Variants in PTPRN2 observed in about 807,000 individuals in gnomAD.
PTPRN2 encodes receptor-type tyrosine-protein phosphatase N2.
A neutral mutation model predicts 118.8 loss-of-function variants in PTPRN2; 74 were observed. The ratio of observed to expected loss-of-function variants is 0.62; its 90% CI spans 0.52 to 0.76. The LOEUF is 0.76. Among genes scored for constraint, PTPRN2 ranks in the 30% least tolerant of loss-of-function variants. The pLI is 0.00. For synonymous variants in PTPRN2, 641 were observed against 608.0 expected (o/e 1.05, Z -0.80); for missense variants, 1,481 against 1,394.4 (o/e 1.06, Z -0.99).
chr7:158,101,687 T>C (rs1815239681), intron 10 of PTPRN2, among the ~76,000 whole-genome samples: 1 of 152,184 alleles, frequency 6.6e-6, no homozygotes, highest in Admixed American at 6.5e-5. Flanking sequence ...ATGAAAGCCA[T>C]GGAGACTTTA....
At chr7:158,331,021 C>T (rs7808023) in intron 2 of PTPRN2, among the ~76,000 whole-genome samples, 34,748 of 90,968 alleles carry the variant, frequency 0.38, 5,785 homozygotes, top group Non-Finnish European at 0.43. Flanking sequence ...TCACTCACAT[C>T]CACACTCTCA....
chr7:157,709,437 T>TG (rs1188440308), intron 12 of PTPRN2, among the ~76,000 whole-genome samples: 1 of 152,194 alleles, frequency 6.6e-6, no homozygotes, highest in Admixed American at 6.5e-5. Flanking sequence ...AATGAGGTGC[T>TG]GGGAAATTAC....
rs56040599 is a variant in PTPRN2 at position 158,469,735 on chromosome 7, C to CAAAAAAAA, written c.163+19992_163+19999dup. On this transcript the variant is annotated intron_variant, in intron 2 of 22. Transcript: ENST00000389418. ...CAGCAAGTGAGAGAGAAAACCTGGC[C>CAAAAAAAA]AAAAAAAAAAAAAAAAAAATGCAAA... 8.7e-4 allele frequency among the ~76,000 whole-genome samples: 59 copies of CAAAAAAAA among 67,510 alleles called. 1 individual carries two copies. Among genetic ancestry groups the CAAAAAAAA allele is most frequent in the African/African-American group, 2.6e-3 (54 of 20,978 alleles). The allele number at this position is 67,510 out of a possible 152,430, so 44.3% of individuals were successfully genotyped here.
At position 157,977,167 on chromosome 7, in the gene PTPRN2, A is replaced by T. The variant is rs1156970811; in HGVS notation, c.1724-78430T>A. Among the ~76,000 whole-genome samples, 1 of 151,904 alleles carries T rather than the reference A, an allele frequency of 6.6e-6. No individual in the cohort carries two copies. The highest frequency in any genetic ancestry group is 1.5e-5 in the Non-Finnish European group (1 of 67,968). On this transcript the variant is annotated intron_variant, in intron 11 of 22. Coordinates refer to ENST00000389418, the MANE Select transcript of PTPRN2 (RefSeq NM_002847.5). This position sits in a 1 kb window ranked among gnomAD's most constrained non-coding sequence, Gnocchi z 4.6. ...AACGAAATGCATATTCATTAAGCAC[A>T]CCTGTAGAGAGCCTATTGCGTACAG...
chr7:157,917,148 G>T (rs975197313), intron 11 of PTPRN2, among the ~76,000 whole-genome samples: 2 of 152,074 alleles, frequency 1.3e-5, no homozygotes, highest in Non-Finnish European at 1.5e-5. Flanking sequence ...CCACGGCAGG[G>T]GCTGGCCACG....
chr7:157,645,782 C>T (rs1169294952), intron 14 of PTPRN2, among the ~76,000 whole-genome samples: 1 of 152,146 alleles, frequency 6.6e-6, no homozygotes, highest in Non-Finnish European at 1.5e-5. Flanking sequence ...TGTGGGTGGG[C>T]ACCCCTGCCG....
At chr7:158,405,496 G>A (rs538573506) in intron 2 of PTPRN2, among the ~76,000 whole-genome samples, 10 of 152,146 alleles carry the variant, frequency 6.6e-5, no homozygotes, top group Non-Finnish European at 1.2e-4. Flanking sequence ...GAGCTGCAGC[G>A]TCCGACCGTC....
intron 2 of PTPRN2, among the ~76,000 whole-genome samples, chr7:158,458,903 G>T (rs1446781804): frequency 6.6e-6 from 1 of 152,202 alleles, no homozygotes; most frequent in African/African-American, 2.4e-5. Context: ...CTTCAGAGGT[G>T]CACCCTCCAC....
chr7:157,880,225 C>T (rs7801638), intron 12 of PTPRN2, among the ~76,000 whole-genome samples: 1 of 152,196 alleles, frequency 6.6e-6, no homozygotes, highest in South Asian at 2.1e-4. Flanking sequence ...TGTAAATTAG[C>T]AGCTTCACAA....
intron 9 of PTPRN2, among the ~76,000 whole-genome samples, chr7:158,112,442 G>C (rs1159953366): frequency 2.6e-5 from 4 of 152,206 alleles, no homozygotes; most frequent in Non-Finnish European, 5.9e-5. Flanking sequence ...ATGGCCTGGA[G>C]ACGAGTGCAG....
intron 11 of PTPRN2, among the ~76,000 whole-genome samples, chr7:158,011,994 C>G (rs371646481): frequency 6.6e-6 from 1 of 152,116 alleles, no homozygotes; most frequent in Non-Finnish European, 1.5e-5. Context: ...CATAACTCAC[C>G]AAAGACTTCA....
chr7:158,001,138 G>T (rs1420568977), intron 11 of PTPRN2, among the ~76,000 whole-genome samples: 1 of 139,604 alleles, frequency 7.2e-6, no homozygotes, highest in Non-Finnish European at 1.5e-5. Context: ...GGCCGCAGGT[G>T]GGGTGCAAGG....
intron 17 of PTPRN2, among the ~76,000 whole-genome samples, chr7:157,586,646 C>T (rs1211181177): frequency 6.6e-6 from 1 of 150,782 alleles, no homozygotes; most frequent in African/African-American, 2.4e-5. Flanking sequence ...TGCTGGACGC[C>T]ACGTCTGTCC....
chr7:158,171,304 C>T (rs941873935), intron 5 of PTPRN2, among the ~76,000 whole-genome samples: 4,085 of 27,878 alleles, frequency 0.15, 317 homozygotes, highest in South Asian at 0.24. Context: ...CATATATATA[C>T]ACACATATAT....
Position 157,569,075 on chromosome 7 carries a change from G to A in PTPRN2, c.2838-109C>T, listed in dbSNP as rs535280952. ...TTCCTGCTTACGGGGGCCGGCGAGA[G>A]GAAAGGATGGCGGATGTGAGAGGGG... is the stretch of plus-strand genomic sequence containing the variant. On this transcript the variant is annotated intron_variant, in intron 20 of 22. Transcript: ENST00000389418. 9.3e-6 allele frequency: 10 copies of A among 1,070,294 alleles called. No homozygotes were observed. The African/African-American group carries it at 1.5e-4, about 16-fold the overall frequency. The allele number at this position is 1,070,294 out of a possible 1,614,324, so 66.3% of individuals were successfully genotyped here. A position where few individuals can be genotyped will look rare whatever the true frequency, so the allele number is the denominator to read the frequency against.
At chr7:158,096,560 C>T (rs760664717) in intron 10 of PTPRN2, among the ~76,000 whole-genome samples, 12 of 152,312 alleles carry the variant, frequency 7.9e-5, no homozygotes, top group Non-Finnish European at 1.2e-4. Context: ...AAAGACGGGA[C>T]GGGGAGTTTT....
At chr7:158,135,026 G>T (rs1367113695) in intron 8 of PTPRN2, among the ~76,000 whole-genome samples, 1 of 152,186 alleles carries the variant, frequency 6.6e-6, no homozygotes, top group Non-Finnish European at 1.5e-5. Flanking sequence ...TCCTAGGAAA[G>T]ACCGGGTCTG....
intron 3 of PTPRN2, among the ~76,000 whole-genome samples, chr7:158,223,668 C>T (rs1356094509): frequency 6.6e-6 from 1 of 152,054 alleles, no homozygotes; most frequent in Non-Finnish European, 1.5e-5. Context: ...CTTTATCAAG[C>T]TAACAATAAA....
chr7:157,890,385 T>C (rs1470987435), intron 12 of PTPRN2, among the ~76,000 whole-genome samples: 1 of 152,224 alleles, frequency 6.6e-6, no homozygotes, highest in African/African-American at 2.4e-5. Context: ...CTCAGGCTTG[T>C]AATCCCAGCA....
Sources: allele counts gnomAD v4.1 joint callset (sites outside exome capture counted in the v4.1 genomes callset), GRCh38; gene constraint gnomAD v4.1.1; non-coding constraint Gnocchi (gnomAD v3.1); transcripts MANE v1.5; gene names NCBI Gene and HGNC (gene_info 2026-07-23, HGNC 2026-07-21).